The following PSMD7 variants were observed in gnomAD, a reference collection of about 807,000 sequenced individuals.
PSMD7 encodes 26S proteasome non-ATPase regulatory subunit 7.
Under a neutral mutation model 36.4 loss-of-function variants are expected in PSMD7, and 13 were observed. The ratio of observed to expected loss-of-function variants is 0.36; its 90% CI spans 0.23 to 0.57. PSMD7 has a LOEUF of 0.57. PSMD7 is among the 20% of genes least tolerant of loss of function. PSMD7 has a pLI of 0.83. For missense variants in PSMD7, 298 were observed against 393.6 expected (o/e 0.76, Z 2.06); for synonymous variants, 186 against 151.0 (o/e 1.23, Z -1.70).
At chr16:74,302,078 C>G in intron 4 of PSMD7, 134 bp from the exon 5 acceptor site, 1 of 732,558 alleles carries the variant, frequency 1.4e-6, no homozygotes, top group Non-Finnish European at 2.3e-6. Flanking sequence ...AGCATAAATG[C>G]ATTTTTGCTG....
intron 5 of PSMD7, among the ~76,000 whole-genome samples, chr16:74,303,010 AGTT>A (rs1226832814): frequency 6.6e-6 from 1 of 152,160 alleles, no homozygotes; most frequent in Non-Finnish European, 1.5e-5. Context: ...GTTTTGACCC[AGTT>A]GTTTTTAGTG....
intron 3 of PSMD7, 101 bp from the exon 4 acceptor site, chr16:74,301,454 A>G (rs2034154332): frequency 1.2e-6 from 1 of 862,378 alleles, no homozygotes; most frequent in African/African-American, 1.7e-5. Flanking sequence ...GGAATTTTCA[A>G]AGAGGTAAAG....
At chr16:74,302,446 A>C (rs2034163106) in intron 5 of PSMD7, among the ~76,000 whole-genome samples, 154 bp downstream of exon 5, 1 of 152,098 alleles carries the variant, frequency 6.6e-6, no homozygotes, top group Non-Finnish European at 1.5e-5. Context: ...CACATTTTGG[A>C]AATGGAGAGG....
At chr16:74,298,888 G>C (rs2034134790) in intron 1 of PSMD7, among the ~76,000 whole-genome samples, 2 of 152,070 alleles carry the variant, frequency 1.3e-5, no homozygotes, top group South Asian at 4.2e-4. Context: ...ACAAAGAAGA[G>C]CACTAGCTTC....
chr16:74,301,349 G>A (rs1388933834), intron 3 of PSMD7, among the ~76,000 whole-genome samples: 1 of 152,140 alleles, frequency 6.6e-6, no homozygotes, highest in Non-Finnish European at 1.5e-5. Flanking sequence ...TGGGTACAAG[G>A]GGAAATAACC....
rs376680205 is a variant in PSMD7 at position 74,296,878 on chromosome 16, G to T, written c.-37G>T. 73 of 1,609,130 alleles carry T rather than the reference G, an allele frequency of 4.5e-5. No homozygotes were observed. The highest frequency in any genetic ancestry group is 5.9e-5 in the Non-Finnish European group (70 of 1,177,954). On this transcript the variant is annotated 5_prime_UTR_variant, in exon 1 of 7. Transcript: ENST00000219313. ...GCTACTGCTGCCGGTGTTTGCGTGT[G>T]GCAGGGAGCCAGGCCTGGCGAGCGG...
intron 5 of PSMD7, among the ~76,000 whole-genome samples, chr16:74,302,802 C>T (rs747996987): frequency 1.2e-4 from 18 of 152,190 alleles, no homozygotes; most frequent in Non-Finnish European, 2.2e-4. Context: ...GGATGAATTA[C>T]GGTCTCCTTT....
Position 74,305,377 on chromosome 16 carries a change from G to C in PSMD7, c.619G>C (p.Asp207His). The C allele has an allele frequency of 6.2e-7, 1 of 1,614,170 alleles. No individual in the cohort carries two copies. Among genetic ancestry groups the C allele is most frequent in the Non-Finnish European group, 8.5e-7 (1 of 1,180,040 alleles). ...GAAGGGACTGAACTCCAAGCTTCTG[G>C]ATATCAGGAGCTACCTGGAAAAAGT... ...GLKGLNSKLL[D>H]IRSYLEKVAT... Residue 207 changes from aspartate to histidine, a missense_variant, in exon 7 of 7, where the codon GAT (aspartate) becomes CAT (histidine). Asp to His is a moderately conservative substitution (Grantham distance 81, BLOSUM62 -1). Transcript: ENST00000219313.
chr16:74,300,075 T>C (rs774676035), intron 1 of PSMD7, 40 bp from the exon 2 acceptor site: 1 of 1,536,386 alleles, frequency 6.5e-7, no homozygotes, highest in African/African-American at 1.4e-5. Context: ...CATGTTTCTG[T>C]GCGAGCCTAT....
intron 6 of PSMD7, chr16:74,305,072 A>G: frequency 1.6e-6 from 1 of 632,696 alleles, no homozygotes; most frequent in Non-Finnish European, 2.4e-6. Flanking sequence ...GTTTTTTGAA[A>G]AATGTCCTGT....
chr16:74,300,440 C>A, intron 2 of PSMD7: 1 of 533,922 alleles, frequency 1.9e-6, no homozygotes, highest in Non-Finnish European at 3.4e-6. Flanking sequence ...AGTGCAAGAG[C>A]TGCTATAGAC....
In PSMD7 at chr16:74,305,380, A is replaced by G; in HGVS notation, c.622A>G (p.Ile208Val). ...GGGACTGAACTCCAAGCTTCTGGAT[A>G]TCAGGAGCTACCTGGAAAAAGTCGC... ...LKGLNSKLLD[I>V]RSYLEKVATG... The change falls in exon 7 of 7, where the codon ATC becomes GTC. Residue 208 changes from isoleucine to valine, a missense_variant. Ile to Val is a conservative substitution (Grantham distance 29, BLOSUM62 3). Transcript: ENST00000219313. 2 of 1,614,224 alleles carry G rather than the reference A, an allele frequency of 1.2e-6. No homozygotes were observed.
intron 6 of PSMD7, chr16:74,305,034 G>T: frequency 2.2e-6 from 1 of 456,102 alleles, no homozygotes; most frequent in Non-Finnish European, 3.7e-6. Flanking sequence ...AAGTGGAAAT[G>T]GTTTTATTTT....
At position 74,305,664 on chromosome 16, in the gene PSMD7, G is replaced by A; in HGVS notation, c.906G>A (p.Glu302=). Residue 302 remains glutamate (E), a synonymous_variant, in exon 7 of 7, where the codon GAG becomes GAA. Transcript: ENST00000219313. ...EKEESKKDRK[E]DKEKDKDKEK... ...AAGAGAGCAAAAAGGATAGGAAAGA[G>A]GACAAGGAGAAAGATAAAGATAAGG... The A allele has an allele frequency of 6.5e-7, 1 of 1,527,176 alleles. No individual in the cohort carries two copies. The highest frequency in any genetic ancestry group is 8.8e-7 in the Non-Finnish European group (1 of 1,135,160). 94.6% of individuals were successfully genotyped at this position (1,527,176 alleles called of 1,614,324 possible).
At position 74,305,395 on chromosome 16, in the gene PSMD7, G is replaced by A. The variant is rs1450168371; in HGVS notation, c.637G>A (p.Glu213Lys). The change falls in exon 7 of 7, where the codon GAA becomes AAA. Residue 213 changes from glutamate (E) to lysine (K), a missense_variant. Coordinates refer to ENST00000219313, the MANE Select transcript of PSMD7 (RefSeq NM_002811.5). The stretch of plus-strand genomic sequence containing the variant: ...GCTTCTGGATATCAGGAGCTACCTG[G>A]AAAAAGTCGCCACAGGCAAGCTGCC... ...SKLLDIRSYL[E>K]KVATGKLPIN... 4 of 1,614,042 alleles carry A rather than the reference G, an allele frequency of 2.5e-6. No homozygotes were observed. The highest frequency in any genetic ancestry group is 8.5e-7 in the Non-Finnish European group (1 of 1,180,046).
At chr16:74,301,165 G>C (rs769607012) in intron 3 of PSMD7, 21 bp downstream of exon 3, 8 of 1,516,432 alleles carry the variant, frequency 5.3e-6, no homozygotes, top group South Asian at 1.1e-5. Context: ...ATGTTCTAAG[G>C]TGTTACAGCA....
At chr16:74,304,247 C>T (rs1185653149) in intron 5 of PSMD7, 56 bp from the exon 6 acceptor site, 72 of 1,507,440 alleles carry the variant, frequency 4.8e-5, no homozygotes, top group Middle Eastern at 1.7e-4. Flanking sequence ...CGAAAAGGAA[C>T]ACATGTCAGT....
chr16:74,296,864 C>T lies in PSMD7; in HGVS notation c.-51C>T, dbSNP rs372447684. On this transcript the variant is annotated 5_prime_UTR_variant, in exon 1 of 7. Coordinates refer to ENST00000219313, the MANE Select transcript of PSMD7 (RefSeq NM_002811.5). The stretch of plus-strand genomic sequence containing the variant: ...GGGTACCGGTGACCGCTACTGCTGC[C>T]GGTGTTTGCGTGTGGCAGGGAGCCA... The T allele has an allele frequency of 2.2e-3, 3,492 of 1,594,946 alleles. 10 individuals are homozygous for T. The highest frequency in any genetic ancestry group is 4.1e-3 in the Middle Eastern group (24 of 5,922).
chr16:74,300,897 C>G (rs1196137808), intron 2 of PSMD7, among the ~76,000 whole-genome samples, 155 bp from the exon 3 acceptor site: 1 of 152,126 alleles, frequency 6.6e-6, no homozygotes, highest in African/African-American at 2.4e-5. Flanking sequence ...GTGAATTCTC[C>G]CAGTTTTTGG....
Sources: gnomAD v4.1 joint callset for allele counts (sites outside exome capture counted in the v4.1 genomes callset) on GRCh38, gnomAD v4.1.1 for gene constraint, MANE v1.5 for transcripts, NCBI Gene and HGNC (gene_info 2026-07-23, HGNC 2026-07-21) for gene names.